Variants in CD80 observed in about 807,000 individuals in gnomAD.
CD80 encodes CD80 molecule.
CD80 carries 13 observed loss-of-function variants against 27.1 expected under a neutral mutation model. The ratio of observed to expected loss-of-function variants is 0.48; its 90% CI spans 0.31 to 0.76. CD80 has a LOEUF of 0.76. CD80 is among the 30% of genes least tolerant of loss of function. The pLI, the probability that CD80 is intolerant of heterozygous loss-of-function variation, is 0.04. For missense variants in CD80, 277 were observed against 347.9 expected, an observed-to-expected ratio of 0.80 and a Z score of 1.62; for synonymous variants, 125 against 125.5, an observed-to-expected ratio of 1.00 and a Z score of 0.03.
intron 2 of CD80, among the ~76,000 whole-genome samples, chr3:119,546,945 C>A (rs998105398): frequency 2.6e-5 from 4 of 152,166 alleles, no homozygotes; most frequent in African/African-American, 9.7e-5. Flanking sequence ...AAAGACAATC[C>A]ATTTCATGTG....
intron 4 of CD80, among the ~76,000 whole-genome samples, chr3:119,533,237 C>A (rs548088776): frequency 1.1e-4 from 16 of 152,286 alleles, no homozygotes; most frequent in African/African-American, 3.8e-4. Context: ...AGGGGCAGAC[C>A]CAGAATCCAA....
intron 3 of CD80, among the ~76,000 whole-genome samples, chr3:119,537,860 A>G (rs2082147803): frequency 6.6e-6 from 1 of 152,180 alleles, no homozygotes; most frequent in Non-Finnish European, 1.5e-5. Context: ...ACTTCCCATT[A>G]CTCATTAATA....
chr3:119,529,108 C>T (rs1222938807), intron 5 of CD80, among the ~76,000 whole-genome samples: 2 of 151,876 alleles, frequency 1.3e-5, no homozygotes, highest in Non-Finnish European at 2.9e-5. Context: ...CGCCACCATG[C>T]CTGGCTAATT....
chr3:119,529,765 C>T, intron 5 of CD80, 77 bp downstream of exon 5: 1 of 996,968 alleles, frequency 1.0e-6, no homozygotes, highest in Non-Finnish European at 1.6e-6. Flanking sequence ...GCTAAAACCT[C>T]AGAGAGATGC....
At chr3:119,531,463 G>C (rs1242915249) in intron 4 of CD80, among the ~76,000 whole-genome samples, 2 of 152,168 alleles carry the variant, frequency 1.3e-5, no homozygotes, top group Admixed American at 1.3e-4. Context: ...TCCATAGTAG[G>C]ATTTGCAGTA....
intron 5 of CD80, among the ~76,000 whole-genome samples, chr3:119,529,341 G>A (rs990019210): frequency 5.3e-5 from 8 of 152,018 alleles, no homozygotes; most frequent in African/African-American, 1.9e-4. Context: ...ATGATTCTTG[G>A]CACCAAAATT....
intron 3 of CD80, chr3:119,544,318 A>G: frequency 1.8e-6 from 1 of 552,966 alleles, no homozygotes; most frequent in South Asian, 2.2e-5. Context: ...GTGCCCCAGG[A>G]TGATTGTCAT....
At chr3:119,531,269 T>C (rs1299760930) in intron 4 of CD80, among the ~76,000 whole-genome samples, 1 of 152,258 alleles carries the variant, frequency 6.6e-6, no homozygotes, top group African/African-American at 2.4e-5. Context: ...CTCGGCAGCA[T>C]ATACAGAATC....
At chr3:119,541,777 T>C (rs1219622747) in intron 3 of CD80, among the ~76,000 whole-genome samples, 1 of 152,214 alleles carries the variant, frequency 6.6e-6, no homozygotes, top group Non-Finnish European at 1.5e-5. Context: ...GCGAGTGACC[T>C]TTTTGTCTTC....
chr3:119,540,558 C>A (rs1034147837), intron 3 of CD80, among the ~76,000 whole-genome samples: 1 of 152,008 alleles, frequency 6.6e-6, no homozygotes, highest in Non-Finnish European at 1.5e-5. Context: ...CCTATAAGAT[C>A]GACTCATGAC....
chr3:119,526,509 G>A (rs1398148690), intron 6 of CD80, among the ~76,000 whole-genome samples: 2 of 152,124 alleles, frequency 1.3e-5, no homozygotes, highest in Non-Finnish European at 2.9e-5. Context: ...TGCCTTGGGG[G>A]AAAATATGTG....
intron 4 of CD80, among the ~76,000 whole-genome samples, chr3:119,532,822 A>G (rs569967641): frequency 6.6e-5 from 10 of 152,284 alleles, no homozygotes; most frequent in African/African-American, 2.2e-4. Context: ...GTAGCCTGCA[A>G]ACCGGTCTCT....
intron 6 of CD80, 91 bp downstream of exon 6, chr3:119,527,642 G>A (rs1181617013): frequency 1.5e-6 from 1 of 678,106 alleles, no homozygotes; most frequent in South Asian, 2.0e-5. Flanking sequence ...AAGAAGGTGA[G>A]GTAGTGGGTA....
At position 119,525,681 on chromosome 3, in the gene CD80, G is replaced by A. The variant is rs1380350280; in HGVS notation, c.*107C>T. The A allele has an allele frequency of 6.6e-6, 1 of 152,476 alleles. No homozygotes were observed. The highest frequency in any genetic ancestry group is 1.5e-5 in the Non-Finnish European group (1 of 68,016). 9.4% of individuals were successfully genotyped at this position (152,476 alleles called of 1,614,324 possible). A position where few individuals can be genotyped will look rare whatever the true frequency, so the allele number is the denominator to read the frequency against. On this transcript the variant is annotated 3_prime_UTR_variant, in exon 7 of 7. Transcript: ENST00000264246. ...GCACCTAAGAGCAGATACGTAAAGG[G>A]CAAGGTGGGGTAATCTTGTCCATCT...
At chr3:119,540,069 C>A (rs1577109566) in intron 3 of CD80, among the ~76,000 whole-genome samples, 1 of 152,338 alleles carries the variant, frequency 6.6e-6, no homozygotes, top group East Asian at 1.9e-4. Flanking sequence ...TCTCCTGCCT[C>A]AGCCTCCAGA....
intron 3 of CD80, among the ~76,000 whole-genome samples, chr3:119,541,014 C>G (rs2082165705): frequency 6.6e-6 from 1 of 151,808 alleles, no homozygotes. Context: ...CGCCACTGCA[C>G]TCTAGCCTGG....
chr3:119,547,276 A>T (rs947248344), intron 2 of CD80, among the ~76,000 whole-genome samples: 2 of 152,248 alleles, frequency 1.3e-5, no homozygotes, highest in African/African-American at 4.8e-5. Context: ...GAGATAATTT[A>T]TGGCAAGCAC....
At chr3:119,532,861 C>T (rs12330398) in intron 4 of CD80, among the ~76,000 whole-genome samples, 16 of 152,300 alleles carry the variant, frequency 1.1e-4, no homozygotes, top group African/African-American at 3.9e-4. Context: ...GCTCTAATAA[C>T]TCCTGCACAT....
chr3:119,558,834 A>T (rs2082278002), intron 1 of CD80, among the ~76,000 whole-genome samples: 1 of 151,852 alleles, frequency 6.6e-6, no homozygotes, highest in African/African-American at 2.4e-5. Context: ...TCCAGTAAAT[A>T]TGTCAAAATT....
Sources: allele counts gnomAD v4.1 joint callset (sites outside exome capture counted in the v4.1 genomes callset), GRCh38; gene constraint gnomAD v4.1.1; transcripts MANE v1.5; gene names NCBI Gene and HGNC (gene_info 2026-07-23, HGNC 2026-07-21).